HIRA: variants seen among roughly 807,000 people sequenced by gnomAD.
HIRA encodes the protein histone cell cycle regulator.
In HIRA, 13 loss-of-function variants were observed where a neutral mutation model predicts 126.6. The ratio of observed to expected loss-of-function variants is 0.10; its 90% CI spans 0.07 to 0.16. HIRA has a LOEUF of 0.16. Among genes scored for constraint, HIRA ranks in the 10% least tolerant of loss-of-function variants. HIRA has a pLI of 1.00. For missense variants in HIRA, 834 were observed against 1,314.4 expected (o/e 0.63, Z 5.65); for synonymous variants, 511 against 520.0 (o/e 0.98, Z 0.24).
rs568863698 is a variant in HIRA at position 19,349,151 on chromosome 22, G to C, written c.2937+2207C>G. On this transcript the variant is annotated intron_variant, in intron 24 of 24. Coordinates refer to ENST00000263208, the MANE Select transcript of HIRA (RefSeq NM_003325.4). Reference sequence around the variant, plus strand: ...GACGGAGTTTTGCTCTGTCTCCCAGGATGGAGTGCAGTGGTGTGATCTTGG... The same window carrying C: ...GACGGAGTTTTGCTCTGTCTCCCAGCATGGAGTGCAGTGGTGTGATCTTGG... 7.3e-5 allele frequency among the ~76,000 whole-genome samples: 11 copies of C among 149,822 alleles called. No individual in the cohort carries two copies. In the East Asian group the frequency reaches 2.0e-3, roughly 27 times the overall value.
intron 24 of HIRA, among the ~76,000 whole-genome samples, chr22:19,331,952 C>T (rs1197094296): frequency 6.6e-6 from 1 of 152,206 alleles, no homozygotes; most frequent in African/African-American, 2.4e-5. Flanking sequence ...GGTTTGAGGT[C>T]AAGCCCCAGG....
rs529288117 is a variant in HIRA, at chr22:19,421,460, G to A, written c.37+9980C>T. Among the ~76,000 whole-genome samples the A allele has an allele frequency of 6.6e-5, 10 of 152,322 alleles. No homozygotes were observed. The East Asian group carries it at 1.9e-3, about 29-fold the overall frequency. ...AAAAAAATTCAGACACTTGTATAAT[G>A]TGCATACACTAAATGCGTCTTCTAA... is the stretch of plus-strand genomic sequence containing the variant. On this transcript the variant is annotated intron_variant, in intron 1 of 24. Transcript: ENST00000263208.
chr22:19,417,977 G>A (rs1430718734), intron 1 of HIRA, among the ~76,000 whole-genome samples: 1 of 152,146 alleles, frequency 6.6e-6, no homozygotes, highest in Non-Finnish European at 1.5e-5. Context: ...AGACATTATG[G>A]TAAGTGAAAA....
chr22:19,407,958 T>C (rs2089321296), intron 3 of HIRA, among the ~76,000 whole-genome samples: 1 of 152,104 alleles, frequency 6.6e-6, no homozygotes, highest in South Asian at 2.1e-4. Flanking sequence ...CTGAAGACAC[T>C]GAGAGGCATG....
At chr22:19,428,939 G>A (rs960538615) in intron 1 of HIRA, among the ~76,000 whole-genome samples, 5 of 152,164 alleles carry the variant, frequency 3.3e-5, no homozygotes, top group Middle Eastern at 3.4e-3. Flanking sequence ...CCTGCTCCCA[G>A]CAGCCACCAA....
chr22:19,419,594 T>C lies in HIRA; in HGVS notation c.38-8816A>G, dbSNP rs181807670. On this transcript the variant is annotated intron_variant, in intron 1 of 24. Coordinates refer to ENST00000263208, the MANE Select transcript of HIRA (RefSeq NM_003325.4). ...TAATTTCCTTTATTGTATGTCTGTC[T>C]ACTCTGCCCACTAGAATGTAAACTC... Among the ~76,000 whole-genome samples, 161 of 152,368 alleles carry C rather than the reference T, an allele frequency of 1.1e-3. 1 individual carries two copies. The highest frequency in any genetic ancestry group is 3.8e-3 in the African/African-American group (156 of 41,576).
At chr22:19,348,565 G>A (rs1556009646) in intron 24 of HIRA, among the ~76,000 whole-genome samples, 2 of 151,310 alleles carry the variant, frequency 1.3e-5, no homozygotes, top group Admixed American at 6.6e-5. Context: ...GCGCGATCTC[G>A]GCTCACTGCA....
chr22:19,430,653 C>T (rs901027352), intron 1 of HIRA, among the ~76,000 whole-genome samples: 1 of 151,514 alleles, frequency 6.6e-6, no homozygotes, highest in Non-Finnish European at 1.5e-5. Context: ...GAGGGGGAGG[C>T]GCGCTTTTTT....
At chr22:19,409,614 A>AAGC (rs2089335788) in intron 2 of HIRA, among the ~76,000 whole-genome samples, 1 of 152,168 alleles carries the variant, frequency 6.6e-6, no homozygotes, top group African/African-American at 2.4e-5. Context: ...TCCATCACTG[A>AAGC]TATCTAACGA....
chr22:19,388,515 G>A lies in HIRA; in HGVS notation c.976C>T (p.Leu326=), dbSNP rs1459822629. The A allele has an allele frequency of 6.2e-7, 1 of 1,613,524 alleles. No individual in the cohort carries two copies. The highest frequency in any genetic ancestry group is 8.5e-7 in the Non-Finnish European group (1 of 1,179,434). Residue 326 remains leucine, a synonymous_variant, in exon 10 of 25, where the codon CTG becomes TTG. Coordinates refer to ENST00000263208, the MANE Select transcript of HIRA (RefSeq NM_003325.4). ...LKRPLVVIHE[L]FDKSIMDISW... ...ATATCCATGATGGATTTGTCAAACA[G>A]TTCATGGATGACCACCAGCGGCCGT...
At chr22:19,370,171 T>A (rs185513108) in intron 15 of HIRA, among the ~76,000 whole-genome samples, 24 of 152,236 alleles carry the variant, frequency 1.6e-4, no homozygotes, top group African/African-American at 5.3e-4. Flanking sequence ...CAGGCTGGTC[T>A]CCAACTCCTA....
chr22:19,360,387 G>A (rs1601816834), intron 17 of HIRA, among the ~76,000 whole-genome samples: 1 of 152,196 alleles, frequency 6.6e-6, no homozygotes, highest in Non-Finnish European at 1.5e-5. Context: ...CCACTGGAGG[G>A]CCCCTGCCTC....
chr22:19,342,456 G>A (rs5748140), intron 24 of HIRA, among the ~76,000 whole-genome samples: 4 of 152,076 alleles, frequency 2.6e-5, no homozygotes, highest in Non-Finnish European at 4.4e-5. Context: ...GCACGATCTC[G>A]GCTCACTGGA....
chr22:19,365,439 A>C (rs1002273348), intron 15 of HIRA, among the ~76,000 whole-genome samples: 1 of 152,198 alleles, frequency 6.6e-6, no homozygotes, highest in East Asian at 1.9e-4. Flanking sequence ...TTTTAGGTGG[A>C]AGTCAATACT....
chr22:19,378,769 T>G (rs2089042539), intron 13 of HIRA, among the ~76,000 whole-genome samples: 2 of 152,216 alleles, frequency 1.3e-5, no homozygotes. Context: ...ATAATTGTCA[T>G]TACACCTAAG....
intron 2 of HIRA, among the ~76,000 whole-genome samples, 187 bp downstream of exon 2, chr22:19,410,529 C>A (rs1216938950): frequency 6.6e-6 from 1 of 152,184 alleles, no homozygotes; most frequent in Non-Finnish European, 1.5e-5. Flanking sequence ...TTACAGAGAG[C>A]ACACTAAAGC....
At chr22:19,404,126 A>G (rs1024288759) in intron 5 of HIRA, among the ~76,000 whole-genome samples, 1 of 152,306 alleles carries the variant, frequency 6.6e-6, no homozygotes, top group South Asian at 2.1e-4. Context: ...TACCAAGTAT[A>G]TATTTCTCAC....
intron 8 of HIRA, among the ~76,000 whole-genome samples, chr22:19,393,837 C>T (rs144247189): frequency 7.9e-5 from 12 of 152,326 alleles, no homozygotes; most frequent in Admixed American, 7.8e-4. Flanking sequence ...GCCTTGGGCT[C>T]TGTCAGGACA....
At chr22:19,397,945 G>T in intron 6 of HIRA, 47 bp downstream of exon 6, 1 of 1,429,264 alleles carries the variant, frequency 7.0e-7, no homozygotes, top group South Asian at 1.2e-5. Flanking sequence ...TCCAGAAACT[G>T]ACAGGCAGTA....
Sources: gnomAD v4.1 joint callset for allele counts (sites outside exome capture counted in the v4.1 genomes callset) on GRCh38, gnomAD v4.1.1 for gene constraint, MANE v1.5 for transcripts, NCBI Gene and HGNC (gene_info 2026-07-23, HGNC 2026-07-21) for gene names.